ITPR2: variants seen among roughly 807,000 people sequenced by gnomAD.
The protein encoded by ITPR2 is inositol 1,4,5-trisphosphate receptor type 2.
Under a neutral mutation model 317.1 loss-of-function variants are expected in ITPR2, and 207 were observed. That is an observed-to-expected ratio of 0.65 (90% CI 0.58 to 0.73). The LOEUF (loss-of-function observed/expected upper bound fraction) is 0.73. Ranked by LOEUF, ITPR2 falls within the 30% of genes least tolerant of loss-of-function variation. The pLI is 0.00. For missense variants in ITPR2, 2,613 were observed against 3,284.0 expected (o/e 0.80, Z 4.99); for synonymous variants, 1,156 against 1,149.1 (o/e 1.01, Z -0.12).
At chr12:26,503,962 G>A (rs763119856) in intron 37 of ITPR2, among the ~76,000 whole-genome samples, 1 of 152,112 alleles carries the variant, frequency 6.6e-6, no homozygotes, top group African/African-American at 2.4e-5. Flanking sequence ...TCAAGAGAAG[G>A]CAAATGAAAA....
chr12:26,530,304 G>A (rs375614015), intron 37 of ITPR2, among the ~76,000 whole-genome samples: 2 of 152,162 alleles, frequency 1.3e-5, no homozygotes, highest in Non-Finnish European at 2.9e-5. Context: ...TTCTACACCT[G>A]AAGTCCACAA....
rs1947441074 is a variant in ITPR2, at chr12:26,659,199, G to A, written c.1800C>T (p.His600=). ...LAEDTITALL[H]NNRKLLEKHI... is the part of the protein sequence containing the mutation. ...GTTTCTCTAGTAGTTTTCTGTTGTT[G>A]TGCAACAAAGCTGTGATAGTATCTT... is the stretch of plus-strand genomic sequence containing the variant. The change falls in exon 16 of 57, where the codon CAC becomes CAT. Residue 600 remains histidine (H), a synonymous_variant. Transcript: ENST00000381340. 6.2e-7 allele frequency: 1 copy of A among 1,611,742 alleles called. No homozygotes were observed. The highest frequency in any genetic ancestry group is 8.5e-7 in the Non-Finnish European group (1 of 1,178,148).
chr12:26,781,223 G>A (rs1244637984), intron 2 of ITPR2, among the ~76,000 whole-genome samples: 3 of 152,210 alleles, frequency 2.0e-5, no homozygotes, highest in Admixed American at 2.0e-4. Context: ...GTTTGCTGAA[G>A]GCAGAAGGAA....
chr12:26,366,600 A>G (rs1939019398), intron 55 of ITPR2, among the ~76,000 whole-genome samples: 1 of 151,848 alleles, frequency 6.6e-6, no homozygotes, highest in South Asian at 2.1e-4. Flanking sequence ...TAAAGAGAAT[A>G]CTCCTCTTCC....
intron 55 of ITPR2, among the ~76,000 whole-genome samples, chr12:26,386,776 T>A (rs74072155): frequency 0.016 from 2,487 of 152,288 alleles, 62 homozygotes; most frequent in African/African-American, 0.056. Context: ...TACACTGAAG[T>A]TGTAACTTTA....
chr12:26,346,285 C>T (rs185573929), intron 55 of ITPR2, among the ~76,000 whole-genome samples: 54 of 152,248 alleles, frequency 3.5e-4, no homozygotes, highest in Non-Finnish European at 7.1e-4. Flanking sequence ...GTGTAGAAAC[C>T]TTGTAGTCAT....
At chr12:26,357,654 C>T (rs116857167) in intron 55 of ITPR2, among the ~76,000 whole-genome samples, 2,494 of 152,368 alleles carry the variant, frequency 0.016, 37 homozygotes, top group South Asian at 0.065. Flanking sequence ...TGGCTGGCAT[C>T]GGACATAGGG....
chr12:26,497,766 A>G (rs1467988657), intron 37 of ITPR2, among the ~76,000 whole-genome samples: 3 of 146,158 alleles, frequency 2.1e-5, no homozygotes, highest in Non-Finnish European at 3.0e-5. Context: ...GCTGGAGTGC[A>G]GTGGTACAAT....
chr12:26,444,551 TC>T (rs1941563569), intron 45 of ITPR2, among the ~76,000 whole-genome samples: 1 of 152,212 alleles, frequency 6.6e-6, no homozygotes, highest in African/African-American at 2.4e-5. Flanking sequence ...TACTAAGAAA[TC>T]CAGTGGTAAG....
chr12:26,547,281 GC>G (rs1434610526), intron 37 of ITPR2, among the ~76,000 whole-genome samples: 1 of 152,078 alleles, frequency 6.6e-6, no homozygotes, highest in Non-Finnish European at 1.5e-5. Context: ...CAGAGAAATG[GC>G]CGAGAAGCAT....
At chr12:26,664,572 C>G (rs993484309) in intron 14 of ITPR2, among the ~76,000 whole-genome samples, 1 of 152,028 alleles carries the variant, frequency 6.6e-6, no homozygotes, top group Non-Finnish European at 1.5e-5. Flanking sequence ...TATGAAAGAG[C>G]GGTCAAGGGC....
chr12:26,781,164 T>G (rs1053223216), intron 2 of ITPR2, among the ~76,000 whole-genome samples: 3 of 152,082 alleles, frequency 2.0e-5, no homozygotes, highest in African/African-American at 2.4e-5. Flanking sequence ...CCTTCAGGAA[T>G]GAAGGTTTGG....
Position 26,339,491 on chromosome 12 carries a change from A to G in ITPR2, c.8020-8T>C. ...CTTCCTTTGTTCTGTCATCTGGGGG[A>G]AAAGAGAGAGTGTGTGTTCAGCGGA... is the stretch of plus-strand genomic sequence containing the variant. On this transcript the variant is annotated splice_region_variant and splice_polypyrimidine_tract_variant and intron_variant, in intron 56 of 56. Coordinates refer to ENST00000381340, the MANE Select transcript of ITPR2 (RefSeq NM_002223.4). 2 of 1,611,536 alleles carry G rather than the reference A, an allele frequency of 1.2e-6. No individual in the cohort carries two copies. The highest frequency in any genetic ancestry group is 1.7e-6 in the Non-Finnish European group (2 of 1,177,904).
intron 43 of ITPR2, among the ~76,000 whole-genome samples, chr12:26,480,376 A>T (rs930813658): frequency 1.3e-5 from 2 of 152,210 alleles, no homozygotes; most frequent in East Asian, 1.9e-4. Flanking sequence ...GGAAAAACTA[A>T]ATTTTAATGT....
chr12:26,606,739 G>A (rs1185184767), intron 26 of ITPR2, among the ~76,000 whole-genome samples: 2 of 151,942 alleles, frequency 1.3e-5, no homozygotes, highest in African/African-American at 2.4e-5. Context: ...TGAGGTTAGC[G>A]TAGGCCACAT....
intron 51 of ITPR2, among the ~76,000 whole-genome samples, chr12:26,412,796 G>A (rs1940592459): frequency 6.6e-6 from 1 of 152,152 alleles, no homozygotes; most frequent in Admixed American, 6.5e-5. Flanking sequence ...TCTGACAAAA[G>A]GCGCAGAGGC....
chr12:26,677,904 A>G (rs1224068355), intron 13 of ITPR2, among the ~76,000 whole-genome samples: 1 of 152,170 alleles, frequency 6.6e-6, no homozygotes, highest in Non-Finnish European at 1.5e-5. Flanking sequence ...TGGTGATCAC[A>G]TGGTGGATGA....
chr12:26,600,398 C>T (rs10506005), intron 28 of ITPR2, among the ~76,000 whole-genome samples: 32,610 of 151,894 alleles, frequency 0.21, 3,948 homozygotes, highest in Non-Finnish European at 0.27. Context: ...ATCTTTCCAA[C>T]TGTCCACCAC....
chr12:26,738,635 T>A (rs1335933479), intron 2 of ITPR2, among the ~76,000 whole-genome samples: 1 of 152,182 alleles, frequency 6.6e-6, no homozygotes, highest in Non-Finnish European at 1.5e-5. Flanking sequence ...TTTTTCTTTT[T>A]ACCAACAAGA....
Sources: allele counts gnomAD v4.1 joint callset (sites outside exome capture counted in the v4.1 genomes callset), GRCh38; gene constraint gnomAD v4.1.1; transcripts MANE v1.5; gene names NCBI Gene and HGNC (gene_info 2026-07-23, HGNC 2026-07-21).